The following DNM1 variants were observed in gnomAD, a reference collection of about 807,000 sequenced individuals.
DNM1 encodes the protein dynamin-1.
In DNM1, 29 loss-of-function variants were observed where a neutral mutation model predicts 104.6. That is an observed-to-expected ratio of 0.28 (90% CI 0.21 to 0.38). The LOEUF is 0.38. Among genes scored for constraint, DNM1 ranks in the 10% least tolerant of loss-of-function variants. The pLI is 1.00. For synonymous variants in DNM1, 445 were observed against 475.8 expected (o/e 0.94, Z 0.84); for missense variants, 640 against 1,189.4 (o/e 0.54, Z 6.79).
At chr9:128,210,686 G>A (rs1347548751) in intron 1 of DNM1, among the ~76,000 whole-genome samples, 11 of 152,114 alleles carry the variant, frequency 7.2e-5, no homozygotes, top group Admixed American at 1.3e-4. Context: ...CACAGAGAGC[G>A]TAGGGAACCT....
intron 1 of DNM1, among the ~76,000 whole-genome samples, chr9:128,212,737 A>G (rs1383212728): frequency 6.6e-6 from 1 of 152,224 alleles, no homozygotes; most frequent in African/African-American, 2.4e-5. Flanking sequence ...GCAAGAATCG[A>G]TCCAAAGGCT....
At chr9:128,238,071 T>G (rs7866584) in intron 11 of DNM1, among the ~76,000 whole-genome samples, 56,768 of 151,262 alleles carry the variant, frequency 0.38, 14,234 homozygotes, top group African/African-American at 0.72. Flanking sequence ...CACCATTCCC[T>G]GCCCTGTGCA....
rs10987932 is a variant in DNM1, at chr9:128,210,900, T to C, written c.161+7269T>C. Among the ~76,000 whole-genome samples the C allele has an allele frequency of 2.8e-3, 431 of 151,608 alleles. 10 individuals carry two copies. In the East Asian group the frequency reaches 0.06, roughly 21 times the overall value. ...TGGCACTCTTACCCATTCCCTGGAATGAAATCTGGCTAAGAAACAAGAATC... is the reference window on the plus strand; with the variant it reads ...TGGCACTCTTACCCATTCCCTGGAACGAAATCTGGCTAAGAAACAAGAATC... On this transcript the variant is annotated intron_variant, in intron 1 of 21. Coordinates refer to ENST00000372923, the MANE Select transcript of DNM1 (RefSeq NM_004408.4).
chr9:128,209,707 A>G (rs922744200), intron 1 of DNM1, among the ~76,000 whole-genome samples: 1 of 152,052 alleles, frequency 6.6e-6, no homozygotes, highest in African/African-American at 2.4e-5. Flanking sequence ...TCCAGGGTTC[A>G]CTTGTGAACA....
intron 15 of DNM1, 132 bp downstream of exon 15, chr9:128,242,477 A>G: frequency 3.4e-6 from 2 of 587,264 alleles, no homozygotes; most frequent in Non-Finnish European, 6.1e-6. Context: ...ATCCGTGGGC[A>G]GGCTGGGTGT....
In DNM1 at chr9:128,223,385, C is replaced by T. The variant is rs184227018; in HGVS notation, c.1196+525C>T. 1.1e-3 allele frequency: 164 copies of T among 156,160 alleles called. 2 individuals carry two copies. The highest frequency in any genetic ancestry group is 2.6e-3 in the Admixed American group (42 of 15,950). The allele number at this position is 156,160 out of a possible 1,614,324, so 9.7% of individuals were successfully genotyped here. ...GGAGGTGGAATCTGTTCCTTAAAAG[C>T]TTAGATCCCCTTCAGGGACCCAGAT... On this transcript the variant is annotated intron_variant, in intron 9 of 21. Transcript: ENST00000372923.
At chr9:128,234,490 G>A (rs1835888228) in intron 11 of DNM1, among the ~76,000 whole-genome samples, 1 of 152,032 alleles carries the variant, frequency 6.6e-6, no homozygotes, top group South Asian at 2.1e-4. Context: ...TCAGCCTCCC[G>A]AGTAGCTGGG....
At chr9:128,221,850 A>G (rs1308588227) in intron 6 of DNM1, among the ~76,000 whole-genome samples, 1 of 152,220 alleles carries the variant, frequency 6.6e-6, no homozygotes, top group Non-Finnish European at 1.5e-5. Flanking sequence ...CAGTGAGCTG[A>G]GATCACGCCA....
intron 1 of DNM1, among the ~76,000 whole-genome samples, chr9:128,208,216 C>T (rs545585311): frequency 5.9e-5 from 9 of 152,228 alleles, no homozygotes; most frequent in South Asian, 2.1e-4. Context: ...TGTACCACCA[C>T]GCCCGGCTAA....
At chr9:128,252,415 A>AAGAGCTT (rs1346620096) in intron 21 of DNM1, 4 of 398,656 alleles carry the variant, frequency 1.0e-5, no homozygotes, top group African/African-American at 6.2e-5. Context: ...AGGCAACCTG[A>AAGAGCTT]CTTCAGTGCA....
rs192194584 is a variant in DNM1 at position 128,230,230 on chromosome 9, G to C, written c.1336-3791G>C. Among the ~76,000 whole-genome samples, 808 of 132,822 alleles carry C rather than the reference G, an allele frequency of 6.1e-3. 20 individuals carry two copies. In the East Asian group the frequency reaches 0.067, roughly 11 times the overall value. The allele number at this position is 132,822 out of a possible 152,430, so 87.1% of individuals were successfully genotyped here. On this transcript the variant is annotated intron_variant, in intron 10 of 21. Coordinates refer to ENST00000372923, the MANE Select transcript of DNM1 (RefSeq NM_004408.4). ...AGACTCCGTCTCAAAAAAAAAAAAA[G>C]AAAATTAAAAATTAAAAAAAAAGAT...
chr9:128,212,209 G>T (rs1212480291), intron 1 of DNM1, among the ~76,000 whole-genome samples: 1 of 152,246 alleles, frequency 6.6e-6, no homozygotes, highest in Non-Finnish European at 1.5e-5. Flanking sequence ...GGAGGCAGCT[G>T]CTGGCCTGTG....
At chr9:128,252,845 G>A (rs1386189541) in intron 21 of DNM1, 3 of 679,942 alleles carry the variant, frequency 4.4e-6, no homozygotes, top group Non-Finnish European at 5.4e-6. Context: ...GTGCTTCAGT[G>A]TGCTGAGTGG....
Position 128,254,047 on chromosome 9 carries a change from G to C in DNM1, c.2535-607G>C. ...TCACCTACGAGACCTGCAGCCCCCC[G>C]ACCAGCTGAGGCTCCCCTCTTAGAC... On this transcript the variant is annotated intron_variant, in intron 21 of 21. Coordinates refer to ENST00000372923, the MANE Select transcript of DNM1 (RefSeq NM_004408.4). The surrounding 1 kb of genome is among the most constrained non-coding windows in gnomAD (Gnocchi z 6.1). 1 of 1,235,604 alleles carries C rather than the reference G, an allele frequency of 8.1e-7. No homozygotes were observed. The highest frequency in any genetic ancestry group is 1.0e-6 in the Non-Finnish European group (1 of 990,754). 76.5% of individuals were successfully genotyped at this position (1,235,604 alleles called of 1,614,324 possible).
chr9:128,218,646 G>A lies in DNM1; in HGVS notation c.300G>A (p.Glu100=), dbSNP rs772095064. ...KFTDFEEVRL[E]IEAETDRVTG... ...CCGACTTCGAGGAGGTGCGCCTTGA[G>A]ATCGAGGCCGAGACCGACAGGGTCA... Residue 100 remains glutamate (E), a synonymous_variant, in exon 3 of 22, where the codon GAG becomes GAA. Coordinates refer to ENST00000372923, the MANE Select transcript of DNM1 (RefSeq NM_004408.4). The surrounding 1 kb of genome is among the most constrained non-coding windows in gnomAD (Gnocchi z 4.8). 3 of 1,613,752 alleles carry A rather than the reference G, an allele frequency of 1.9e-6. No homozygotes were observed. Among genetic ancestry groups the A allele is most frequent in the Non-Finnish European group, 2.5e-6 (3 of 1,179,770 alleles).
chr9:128,228,195 C>A (rs1043245399), intron 10 of DNM1, among the ~76,000 whole-genome samples: 1 of 152,098 alleles, frequency 6.6e-6, no homozygotes, highest in African/African-American at 2.4e-5. Flanking sequence ...GCTCCTCCCA[C>A]CACACCCAGC....
Position 128,218,837 on chromosome 9 carries a change from T to C in DNM1, c.385+106T>C. ...ACTCCGCCCCTAGAATGACCCTGCC[T>C]CTGCATCATCCTATTCCAAGCTCCA... On this transcript the variant is annotated intron_variant, in intron 3 of 21. Transcript: ENST00000372923. This position sits in a 1 kb window ranked among gnomAD's most constrained non-coding sequence, Gnocchi z 4.8. The C allele has an allele frequency of 7.1e-7, 1 of 1,414,562 alleles. No homozygotes were observed. The highest frequency in any genetic ancestry group is 9.4e-7 in the Non-Finnish European group (1 of 1,061,094). 87.6% of individuals were successfully genotyped at this position (1,414,562 alleles called of 1,614,324 possible).
At position 128,220,282 on chromosome 9, in the gene DNM1, T is replaced by C; in HGVS notation, c.790T>C (p.Ser264Pro). ...ACGAAAGTTCTTCCTCTCCCATCCATCTTATCGCCACTTGGCTGACCGTAT... is the reference window on the plus strand; with the variant it reads ...ACGAAAGTTCTTCCTCTCCCATCCACCTTATCGCCACTTGGCTGACCGTAT... ...AERKFFLSHP[S>P]YRHLADRMGT... Residue 264 changes from serine (S) to proline (P), a missense_variant, in exon 6 of 22, where the codon TCT becomes CCT. Transcript: ENST00000372923. This position sits in a 1 kb window ranked among gnomAD's most constrained non-coding sequence, Gnocchi z 5.2. The C allele has an allele frequency of 6.2e-7, 1 of 1,614,218 alleles. No homozygotes were observed. The highest frequency in any genetic ancestry group is 8.5e-7 in the Non-Finnish European group (1 of 1,180,038).
Position 128,203,403 on chromosome 9 carries a change from C to T in DNM1, c.-68C>T, listed in dbSNP as rs994495555. 4 of 1,330,752 alleles carry T rather than the reference C, an allele frequency of 3.0e-6. No individual in the cohort carries two copies. The African/African-American group carries it at 6.2e-5, about 21-fold the overall frequency. 82.4% of individuals were successfully genotyped at this position (1,330,752 alleles called of 1,614,324 possible). A position where few individuals can be genotyped will look rare whatever the true frequency, so the allele number is the denominator to read the frequency against. ...CAGTCTGGGCGCGCGGCTGCAGCGG[C>T]GGAGCCGGAGTCGGAGCCGGGAGCG... On this transcript the variant is annotated 5_prime_UTR_variant, in exon 1 of 22. Coordinates refer to ENST00000372923, the MANE Select transcript of DNM1 (RefSeq NM_004408.4). This position sits in a 1 kb window ranked among gnomAD's most constrained non-coding sequence, Gnocchi z 5.3.
Sources: gnomAD v4.1 joint callset for allele counts (sites outside exome capture counted in the v4.1 genomes callset) on GRCh38, gnomAD v4.1.1 for gene constraint, Gnocchi (gnomAD v3.1) non-coding constraint, MANE v1.5 for transcripts, NCBI Gene and HGNC (gene_info 2026-07-23, HGNC 2026-07-21) for gene names.